The following FOXP1 variants were observed in gnomAD, a reference collection of about 807,000 sequenced individuals.
FOXP1 encodes forkhead box P1.
FOXP1 carries 15 observed loss-of-function variants against 98.2 expected under a neutral mutation model. The observed-to-expected ratio is 0.15, with a 90% CI of 0.10 to 0.24. The LOEUF (loss-of-function observed/expected upper bound fraction) is 0.24. FOXP1 is among the 10% of genes least tolerant of loss of function. The probability of loss-of-function intolerance (pLI) is 1.00; values close to 1 mark genes in which losing one functional copy is unlikely to be tolerated. For missense variants in FOXP1, 633 were observed against 848.5 expected (o/e 0.75, Z 3.15); for synonymous variants, 371 against 314.5 (o/e 1.18, Z -1.90).
chr3:71,334,909 G>A (rs574519387), intron 4 of FOXP1: 12 of 152,214 alleles, frequency 7.9e-5, no homozygotes, highest in African/African-American at 2.9e-4. Flanking sequence ...GAGTTAAAAG[G>A]GGGAGAGTAT....
chr3:71,281,942 C>A (rs138449760), intron 5 of FOXP1, among the ~76,000 whole-genome samples: 117 of 137,642 alleles, frequency 8.5e-4, no homozygotes, highest in Non-Finnish European at 7.6e-4. Context: ...ACTAAAAATA[C>A]AAAAAAAAAA....
chr3:71,499,134 C>T (rs72961266), intron 2 of FOXP1, among the ~76,000 whole-genome samples: 1 of 152,210 alleles, frequency 6.6e-6, no homozygotes, highest in Non-Finnish European at 1.5e-5. Flanking sequence ...TGGGAGCTCT[C>T]ATCTCAGGAC....
At position 71,451,416 on chromosome 3, in the gene FOXP1, C is replaced by T. The variant is rs9855457; in HGVS notation, c.-168+42010G>A. On this transcript the variant is annotated intron_variant, in intron 3 of 20. Transcript: ENST00000649528. Reference sequence around the variant, plus strand: ...TAGAGCACATAAAAGCGAAGATAAACCTCAACATGCACTACTTATTCTCAG... The same window carrying T: ...TAGAGCACATAAAAGCGAAGATAAATCTCAACATGCACTACTTATTCTCAG... Among the ~76,000 whole-genome samples, 1,272 of 152,274 alleles carry T rather than the reference C, an allele frequency of 8.4e-3. 16 individuals are homozygous for T. Among genetic ancestry groups the T allele is most frequent in the African/African-American group, 0.029 (1,195 of 41,546 alleles).
chr3:71,176,776 C>CG (rs1232823857), intron 6 of FOXP1, among the ~76,000 whole-genome samples: 3 of 137,108 alleles, frequency 2.2e-5, no homozygotes, highest in African/African-American at 8.8e-5. Flanking sequence ...AAAAAAGAGC[C>CG]GGGGGGCGGG....
chr3:71,455,349 C>T (rs1187485116), intron 3 of FOXP1, among the ~76,000 whole-genome samples: 1 of 152,176 alleles, frequency 6.6e-6, no homozygotes, highest in Non-Finnish European at 1.5e-5. Flanking sequence ...ATCTAATATT[C>T]ACTTTGTCTA....
At position 71,122,876 on chromosome 3, in the gene FOXP1, C is replaced by T. The variant is rs79855676; in HGVS notation, c.181-10239G>A. Among the ~76,000 whole-genome samples the T allele has an allele frequency of 6.6e-3, 1,003 of 152,234 alleles. 6 individuals are homozygous for T. Among genetic ancestry groups the T allele is most frequent in the African/African-American group, 0.023 (936 of 41,534 alleles). ...TCACTGATTAGACCAAAGATGGCCACGGGTAATCTTGGCAAATGGCTATGC... is the reference window on the plus strand; with the variant it reads ...TCACTGATTAGACCAAAGATGGCCATGGGTAATCTTGGCAAATGGCTATGC... On this transcript the variant is annotated intron_variant, in intron 6 of 20. Coordinates refer to ENST00000649528, the MANE Select transcript of FOXP1 (RefSeq NM_001349338.3).
At chr3:70,970,641 A>C in intron 19 of FOXP1, 95 bp downstream of exon 19, 2 of 1,066,978 alleles carry the variant, frequency 1.9e-6, no homozygotes, top group South Asian at 1.3e-5. Flanking sequence ...CGGAATTAAA[A>C]TTTAATATCT....
chr3:71,134,226 A>T (rs2059710241), intron 6 of FOXP1, among the ~76,000 whole-genome samples: 1 of 152,198 alleles, frequency 6.6e-6, no homozygotes, highest in Non-Finnish European at 1.5e-5. Flanking sequence ...CAGCCAAAAT[A>T]ATTATTCAAA....
At chr3:71,402,747 G>T (rs1021214818) in intron 3 of FOXP1, among the ~76,000 whole-genome samples, 1 of 152,252 alleles carries the variant, frequency 6.6e-6, no homozygotes, top group East Asian at 1.9e-4. Flanking sequence ...GGAATGTGCT[G>T]CTGAGAAGTG....
chr3:70,994,138 A>G (rs1302244319), intron 13 of FOXP1, among the ~76,000 whole-genome samples: 1 of 151,970 alleles, frequency 6.6e-6, no homozygotes, highest in African/African-American at 2.4e-5. Flanking sequence ...CACCTAGGAC[A>G]GTGCCCTGGC....
At chr3:71,052,000 G>A (rs1358256994) in intron 9 of FOXP1, among the ~76,000 whole-genome samples, 1 of 152,126 alleles carries the variant, frequency 6.6e-6, no homozygotes, top group Non-Finnish European at 1.5e-5. Flanking sequence ...CATGCTCTCT[G>A]GCACATGCCT....
intron 2 of FOXP1, among the ~76,000 whole-genome samples, chr3:71,519,355 A>G (rs754115885): frequency 1.3e-5 from 2 of 152,250 alleles, no homozygotes; most frequent in Non-Finnish European, 2.9e-5. Context: ...GACTTTACAT[A>G]GTACATCATC....
rs572437053 is a variant in FOXP1, at chr3:71,110,104, T to C, written c.282+2432A>G. On this transcript the variant is annotated intron_variant, in intron 7 of 20. Transcript: ENST00000649528. ...AAGAAAAACGGAGCCCTCTATATCA[T>C]CCACTTCTGCATGGTGGCTAAAAAC... is the stretch of plus-strand genomic sequence containing the variant. 9.2e-5 allele frequency among the ~76,000 whole-genome samples: 14 copies of C among 152,124 alleles called. No homozygotes were observed. The South Asian group carries it at 2.3e-3, about 25-fold the overall frequency.
intron 6 of FOXP1, among the ~76,000 whole-genome samples, chr3:71,125,175 CT>C (rs1383453176): frequency 7.2e-5 from 11 of 152,284 alleles, no homozygotes; most frequent in Non-Finnish European, 1.5e-4. Context: ...GATGATGATA[CT>C]GGTGGTGATA....
chr3:71,460,229 CTTTGTTTG>C (rs10555493), intron 3 of FOXP1, among the ~76,000 whole-genome samples: 22 of 150,388 alleles, frequency 1.5e-4, no homozygotes, highest in Non-Finnish European at 2.1e-4. Context: ...GGAGTAAAGG[CTTTGTTTG>C]TTTGTTTGTT....
chr3:71,065,193 G>C (rs924273195), intron 7 of FOXP1, among the ~76,000 whole-genome samples: 2 of 151,438 alleles, frequency 1.3e-5, no homozygotes, highest in African/African-American at 4.9e-5. Context: ...CCGGTGACCC[G>C]CCTCCGGCTG....
chr3:71,512,422 C>A (rs2042264617), intron 2 of FOXP1, among the ~76,000 whole-genome samples: 1 of 152,112 alleles, frequency 6.6e-6, no homozygotes, highest in African/African-American at 2.4e-5. Flanking sequence ...AAATCCCCAC[C>A]CAAAAATGAA....
intron 5 of FOXP1, among the ~76,000 whole-genome samples, chr3:71,294,854 A>C (rs968258921): frequency 6.6e-6 from 1 of 152,194 alleles, no homozygotes; most frequent in Admixed American, 6.5e-5. Context: ...GATCAAAAGA[A>C]AATTGCTTGC....
chr3:70,977,027 G>C lies in FOXP1; in HGVS notation c.1444C>G (p.Pro482Ala). The C allele has an allele frequency of 1.2e-6, 2 of 1,613,318 alleles. No homozygotes were observed. Among genetic ancestry groups the C allele is most frequent in the East Asian group, 2.2e-5 (1 of 44,878 alleles). The change falls in exon 17 of 21, where the codon CCA becomes GCA. Residue 482 changes from proline to alanine, a missense_variant. Transcript: ENST00000649528. ...TCATTTAGTGTTAGCTGCTTTTCTG[G>C]AGATTCGAGAATGGCCTGTGAAGCA... ...SLIRQAILESPEKQLTLNEIY... is the reference protein window; with the variant it reads ...SLIRQAILESAEKQLTLNEIY...
Sources: gnomAD v4.1 joint callset for allele counts (sites outside exome capture counted in the v4.1 genomes callset) on GRCh38, gnomAD v4.1.1 for gene constraint, MANE v1.5 for transcripts, NCBI Gene and HGNC (gene_info 2026-07-23, HGNC 2026-07-21) for gene names.